The following RBM28 variants were observed in gnomAD, a reference collection of about 807,000 sequenced individuals.
RBM28 encodes RNA binding motif protein 28.
A neutral mutation model predicts 98.3 loss-of-function variants in RBM28; 78 were observed. The observed-to-expected ratio is 0.79, with a 90% CI of 0.66 to 0.96. The LOEUF (loss-of-function observed/expected upper bound fraction) is 0.96. Among genes scored for constraint, RBM28 ranks in the 40% least tolerant of loss-of-function variants. RBM28 has a pLI of 0.00. For synonymous variants in RBM28, 306 were observed against 330.9 expected (o/e 0.92, Z 0.82); for missense variants, 838 against 913.0 (o/e 0.92, Z 1.06).
intron 14 of RBM28, 145 bp from the exon 15 acceptor site, chr7:128,318,251 G>A (rs547982004): frequency 2.4e-5 from 20 of 841,276 alleles, no homozygotes; most frequent in African/African-American, 2.0e-4. Context: ...TTGGGAGGCC[G>A]AGACAGGAGG....
intron 17 of RBM28, 38 bp from the exon 18 acceptor site, chr7:128,313,312 T>C (rs757338103): frequency 3.8e-6 from 6 of 1,580,560 alleles, no homozygotes; most frequent in South Asian, 1.1e-5. Flanking sequence ...TGAGTCCTTC[T>C]TCTAATTTGA....
rs189532684 is a variant in RBM28, at chr7:128,341,675, T to C, written c.119-1884A>G. Among the ~76,000 whole-genome samples, 5 of 152,320 alleles carry C rather than the reference T, an allele frequency of 3.3e-5. No homozygotes were observed. In the East Asian group the frequency reaches 5.8e-4, roughly 18 times the overall value. On this transcript the variant is annotated intron_variant, in intron 1 of 18. Transcript: ENST00000223073. ...CAAGTACACAAGGTGTAAGGTAAGA[T>C]TGCATGTAGCCTATATTCTGAGGAC...
intron 18 of RBM28, 22 bp downstream of exon 18, chr7:128,313,153 C>A: frequency 1.2e-6 from 2 of 1,600,992 alleles, no homozygotes; most frequent in Non-Finnish European, 1.7e-6. Flanking sequence ...CATACCAAAG[C>A]TGTATGTCCT....
At chr7:128,318,966 A>G (rs1462500547) in intron 14 of RBM28, among the ~76,000 whole-genome samples, 1 of 152,204 alleles carries the variant, frequency 6.6e-6, no homozygotes, top group Non-Finnish European at 1.5e-5. Flanking sequence ...ATATAGGAAG[A>G]AGTTTCAGCT....
chr7:128,313,079 C>T, intron 18 of RBM28, 96 bp downstream of exon 18: 1 of 1,269,110 alleles, frequency 7.9e-7, no homozygotes, highest in East Asian at 2.3e-5. Flanking sequence ...AGAAGTCTTT[C>T]TTTTTTTCTT....
Position 128,329,376 on chromosome 7 carries a change from G to A in RBM28, c.1129+1443C>T, listed in dbSNP as rs1004794050. Among the ~76,000 whole-genome samples, 4 of 152,216 alleles carry A rather than the reference G, an allele frequency of 2.6e-5. No individual in the cohort carries two copies. In the South Asian group the frequency reaches 6.2e-4, roughly 24 times the overall value. On this transcript the variant is annotated intron_variant, in intron 10 of 18. Transcript: ENST00000223073. ...AGCCTCCCAAAGTGCTGGGATTACA[G>A]GCGTGAGCCACCGCTCCCGGCCAGG... is the stretch of plus-strand genomic sequence containing the variant.
Position 128,335,724 on chromosome 7 carries a change from GC to G in RBM28, c.810-46del, listed in dbSNP as rs1383977641. ...AACTAAGGAGGTGGGCTGACAGAGG[GC>G]CTATTCAATTTCATTACACATGTCA... On this transcript the variant is annotated intron_variant, in intron 7 of 18. Transcript: ENST00000223073. 4.3e-6 allele frequency: 7 copies of G among 1,613,728 alleles called. No individual in the cohort carries two copies. The African/African-American group carries it at 8.0e-5, about 18-fold the overall frequency.
At chr7:128,333,106 A>G (rs1796519156) in intron 9 of RBM28, among the ~76,000 whole-genome samples, 184 bp downstream of exon 9, 1 of 152,038 alleles carries the variant, frequency 6.6e-6, no homozygotes. Flanking sequence ...GACCCATGCT[A>G]TCTGTCTTCT....
At chr7:128,335,410 G>T in intron 8 of RBM28, 133 bp downstream of exon 8, 1 of 1,094,670 alleles carries the variant, frequency 9.1e-7, no homozygotes, top group Non-Finnish European at 1.3e-6. Flanking sequence ...TTCCTTTTCA[G>T]CATTTAAACA....
chr7:128,325,846 C>G lies in RBM28; in HGVS notation c.1175G>C (p.Cys392Ser), dbSNP rs1796337980. The G allele has an allele frequency of 6.2e-7, 1 of 1,613,494 alleles. No individual in the cohort carries two copies. The highest frequency in any genetic ancestry group is 8.5e-7 in the Non-Finnish European group (1 of 1,179,842). The change falls in exon 11 of 19, where the codon TGC becomes TCC. Residue 392 changes from cysteine (C) to serine (S), a missense_variant. Transcript: ENST00000223073. ...QFMTQEAAQK[C>S]LLAASPENEA... Reference sequence around the variant, plus strand: ...ATTCTCTGGAGAAGCAGCTAGAAGGCATTTCTGAGCTGCTTCTTGAGTCAT... The same window carrying G: ...ATTCTCTGGAGAAGCAGCTAGAAGGGATTTCTGAGCTGCTTCTTGAGTCAT...
chr7:128,312,958 A>C, intron 18 of RBM28: 2 of 582,262 alleles, frequency 3.4e-6, no homozygotes, highest in South Asian at 2.0e-5. Context: ...TATGTAAAAC[A>C]AGGAGACTGC....
chr7:128,338,866 A>G, intron 3 of RBM28, 65 bp from the exon 4 acceptor site: 2 of 1,093,122 alleles, frequency 1.8e-6, no homozygotes, highest in Non-Finnish European at 2.8e-6. Flanking sequence ...TAAAACATCA[A>G]CTACTAAATT....
chr7:128,324,664 G>GCTGC lies in RBM28; in HGVS notation c.1230_1233dup (p.Leu412AlafsTer5). 1 of 1,614,176 alleles carries GCTGC rather than the reference G, an allele frequency of 6.2e-7. No homozygotes were observed. The highest frequency in any genetic ancestry group is 8.5e-7 in the Non-Finnish European group (1 of 1,180,038). On this transcript the variant is annotated frameshift_variant, in exon 12 of 19. Transcript: ENST00000223073. LOFTEE classifies it high-confidence loss of function. The stretch of plus-strand genomic sequence containing the variant: ...CGGGTCACCGCCAAGTCAACCTTGA[G>GCTGC]CTGCCGGCCATCCAGTTTAAGCCCA...
Position 128,329,508 on chromosome 7 carries a change from C to A in RBM28, c.1129+1311G>T, listed in dbSNP as rs577182205. Among the ~76,000 whole-genome samples, 29 of 152,298 alleles carry A rather than the reference C, an allele frequency of 1.9e-4. 1 individual carries two copies. The South Asian group carries it at 5.0e-3, about 26-fold the overall frequency. On this transcript the variant is annotated intron_variant, in intron 10 of 18. Transcript: ENST00000223073. ...TAGGTTCTTAAGCTGTGGATAGGCT[C>A]AAGAGAGCCCACACAGCCTCCGAAG...
intron 8 of RBM28, 40 bp downstream of exon 8, chr7:128,335,503 T>C (rs1017732098): frequency 6.2e-7 from 1 of 1,613,588 alleles, no homozygotes; most frequent in African/African-American, 1.3e-5. Flanking sequence ...TTCAGTAACT[T>C]TTTTAAAGTC....
Position 128,333,374 on chromosome 7 carries a change from A to G in RBM28, c.947-12T>C. On this transcript the variant is annotated splice_polypyrimidine_tract_variant and intron_variant, in intron 8 of 18. Coordinates refer to ENST00000223073, the MANE Select transcript of RBM28 (RefSeq NM_018077.3). The stretch of plus-strand genomic sequence containing the variant: ...TGAGACTTGCACAGCTAAGGTAAAA[A>G]GAAAAACAACAAACTGAAAGAGATT... 2 of 1,570,148 alleles carry G rather than the reference A, an allele frequency of 1.3e-6. No individual in the cohort carries two copies. Among genetic ancestry groups the G allele is most frequent in the Non-Finnish European group, 1.8e-6 (2 of 1,140,196 alleles).
intron 18 of RBM28, among the ~76,000 whole-genome samples, chr7:128,311,526 C>T (rs1795985242): frequency 6.6e-6 from 1 of 152,150 alleles, no homozygotes; most frequent in Admixed American, 6.5e-5. Context: ...GGAAGAGGTA[C>T]CTGAGCTGAG....
intron 13 of RBM28, 72 bp downstream of exon 13, chr7:128,323,455 A>G (rs1796279564): frequency 3.2e-6 from 5 of 1,553,196 alleles, no homozygotes; most frequent in Non-Finnish European, 4.4e-6. Flanking sequence ...GAGCACATCT[A>G]GCATTCGATA....
At chr7:128,336,949 T>C (rs1243331880) in intron 6 of RBM28, among the ~76,000 whole-genome samples, 182 bp downstream of exon 6, 1 of 152,068 alleles carries the variant, frequency 6.6e-6, no homozygotes, top group African/African-American at 2.4e-5. Context: ...GGGTTTTGCA[T>C]GTTGGCCAGG....
Sources: gnomAD v4.1 joint callset for allele counts (sites outside exome capture counted in the v4.1 genomes callset) on GRCh38, gnomAD v4.1.1 for gene constraint, MANE v1.5 for transcripts, NCBI Gene and HGNC (gene_info 2026-07-23, HGNC 2026-07-21) for gene names.